The following SMAD1 variants were observed in gnomAD, a reference collection of about 807,000 sequenced individuals.
The protein encoded by SMAD1 is MAD, mothers against decapentaplegic homolog 1.
A neutral mutation model predicts 41.6 loss-of-function variants in SMAD1; 6 were observed. The observed-to-expected ratio is 0.14, with a 90% CI of 0.08 to 0.28. The LOEUF is 0.28. Among genes scored for constraint, SMAD1 ranks in the 10% least tolerant of loss-of-function variants. The pLI, the probability that SMAD1 is intolerant of heterozygous loss-of-function variation, is 1.00. For synonymous variants in SMAD1, 206 were observed against 203.2 expected, an observed-to-expected ratio of 1.01 and a Z score of -0.12; for missense variants, 379 against 582.6, an observed-to-expected ratio of 0.65 and a Z score of 3.60.
At chr4:145,528,061 A>ACC (rs1560748803) in intron 2 of SMAD1, among the ~76,000 whole-genome samples, 1 of 59,074 alleles carries the variant, frequency 1.7e-5, no homozygotes, top group Non-Finnish European at 2.9e-5. Context: ...TTTTGTTTGT[A>ACC]CACACACACA....
intron 1 of SMAD1, among the ~76,000 whole-genome samples, chr4:145,490,467 G>C (rs1245213767): frequency 6.6e-6 from 1 of 152,130 alleles, no homozygotes; most frequent in African/African-American, 2.4e-5. Context: ...CTAAACAATT[G>C]GGGGGAAACC....
chr4:145,526,570 A>G (rs1458522817), intron 2 of SMAD1, among the ~76,000 whole-genome samples: 1 of 151,368 alleles, frequency 6.6e-6, no homozygotes, highest in Non-Finnish European at 1.5e-5. Flanking sequence ...ACAAGGACCC[A>G]GAGGCCAGCT....
intron 6 of SMAD1, among the ~76,000 whole-genome samples, chr4:145,556,803 G>A (rs374332106): frequency 2.4e-4 from 37 of 152,166 alleles, no homozygotes; most frequent in African/African-American, 8.9e-4. Flanking sequence ...TGATTCTCAT[G>A]CCTGAGCCTC....
At chr4:145,525,557 C>G (rs1730978762) in intron 2 of SMAD1, among the ~76,000 whole-genome samples, 5 of 150,902 alleles carry the variant, frequency 3.3e-5, no homozygotes, top group African/African-American at 1.2e-4. Context: ...TTGTTTGATA[C>G]TGGTGCTGAA....
At chr4:145,528,368 G>T (rs1196246655) in intron 2 of SMAD1, among the ~76,000 whole-genome samples, 1 of 152,132 alleles carries the variant, frequency 6.6e-6, no homozygotes. Context: ...CTCCCAAAGT[G>T]CTGGGATTAC....
chr4:145,493,120 T>A (rs1381781351), intron 1 of SMAD1, among the ~76,000 whole-genome samples: 1 of 152,152 alleles, frequency 6.6e-6, no homozygotes, highest in East Asian at 1.9e-4. Context: ...CCCCTACCCA[T>A]CCTTAAGTCC....
chr4:145,554,359 T>G (rs899437272), intron 6 of SMAD1, among the ~76,000 whole-genome samples: 19 of 152,178 alleles, frequency 1.2e-4, no homozygotes, highest in African/African-American at 4.1e-4. Context: ...TTTAAATACA[T>G]GGTTGTTTTA....
intron 2 of SMAD1, among the ~76,000 whole-genome samples, chr4:145,527,548 A>G (rs1578794193): frequency 6.6e-6 from 1 of 152,044 alleles, no homozygotes; most frequent in Non-Finnish European, 1.5e-5. Flanking sequence ...TCTAACAACG[A>G]CTGCCGGAAG....
intron 2 of SMAD1, 48 bp from the exon 3 acceptor site, chr4:145,539,756 T>G: frequency 6.4e-7 from 1 of 1,563,342 alleles, no homozygotes; most frequent in South Asian, 1.1e-5. Flanking sequence ...TAATTATAGA[T>G]CATAATTCTC....
At chr4:145,522,926 C>T (rs1435331731) in intron 2 of SMAD1, among the ~76,000 whole-genome samples, 1 of 152,144 alleles carries the variant, frequency 6.6e-6, no homozygotes, top group Non-Finnish European at 1.5e-5. Flanking sequence ...ATCTGCCCGC[C>T]TCAGCCTCCC....
intron 1 of SMAD1, among the ~76,000 whole-genome samples, chr4:145,493,948 C>T (rs1317857934): frequency 2.6e-5 from 4 of 152,108 alleles, no homozygotes; most frequent in Admixed American, 2.6e-4. Context: ...CCACTTCTAC[C>T]TTACTTTATT....
chr4:145,542,336 T>C (rs1310383563), intron 3 of SMAD1, among the ~76,000 whole-genome samples: 1 of 152,282 alleles, frequency 6.6e-6, no homozygotes, highest in African/African-American at 2.4e-5. Context: ...AAACAGCTTC[T>C]GGAACTGGCA....
intron 2 of SMAD1, among the ~76,000 whole-genome samples, chr4:145,538,384 A>G (rs1247047403): frequency 6.6e-6 from 1 of 152,224 alleles, no homozygotes; most frequent in African/African-American, 2.4e-5. Context: ...CATTTATTAT[A>G]TACTCAAAAG....
intron 2 of SMAD1, among the ~76,000 whole-genome samples, chr4:145,520,908 A>G (rs1294202119): frequency 1.3e-5 from 2 of 152,236 alleles, no homozygotes; most frequent in Non-Finnish European, 2.9e-5. Context: ...ACTTTGCTAC[A>G]ACTTGTGTTT....
At position 145,522,918 on chromosome 4, in the gene SMAD1, C is replaced by A. The variant is rs558126222; in HGVS notation, c.400+7905C>A. ...GGTCTCGAACTCCTGACCTTGTGAT[C>A]TGCCCGCCTCAGCCTCCCAAAGTGC... is the stretch of plus-strand genomic sequence containing the variant. On this transcript the variant is annotated intron_variant, in intron 2 of 6. Transcript: ENST00000302085. Among the ~76,000 whole-genome samples the A allele has an allele frequency of 4.6e-4, 70 of 152,190 alleles. 1 individual carries two copies. The South Asian group carries it at 0.014, about 30-fold the overall frequency.
At chr4:145,538,789 A>G (rs1731759783) in intron 2 of SMAD1, among the ~76,000 whole-genome samples, 1 of 152,152 alleles carries the variant, frequency 6.6e-6, no homozygotes, top group African/African-American at 2.4e-5. Context: ...AGCTGGAGGG[A>G]TTGCAAAGAC....
chr4:145,558,941 T>C lies in SMAD1; in HGVS notation c.*1007T>C, dbSNP rs180885093. Among the ~76,000 whole-genome samples, 4 of 152,314 alleles carry C rather than the reference T, an allele frequency of 2.6e-5. No individual in the cohort carries two copies. In the East Asian group the frequency reaches 7.7e-4, roughly 29 times the overall value. ...TAGGCTTTAATTTTCAAGTGAATTT[T>C]TTGCCAAACTTAGTAACTCTGTTAA... On this transcript the variant is annotated 3_prime_UTR_variant, in exon 7 of 7. Transcript: ENST00000302085.
At chr4:145,543,617 A>T (rs1732073911) in intron 4 of SMAD1, among the ~76,000 whole-genome samples, 1 of 152,170 alleles carries the variant, frequency 6.6e-6, no homozygotes, top group Non-Finnish European at 1.5e-5. Flanking sequence ...CTTTGATTCC[A>T]GCGCTGTATA....
chr4:145,526,365 A>G (rs1731018629), intron 2 of SMAD1, among the ~76,000 whole-genome samples: 1 of 152,226 alleles, frequency 6.6e-6, no homozygotes, highest in Non-Finnish European at 1.5e-5. Flanking sequence ...TGTGTGTGAC[A>G]ATACCTTTCT....
Sources: gnomAD v4.1 joint callset for allele counts (sites outside exome capture counted in the v4.1 genomes callset) on GRCh38, gnomAD v4.1.1 for gene constraint, MANE v1.5 for transcripts, NCBI Gene and HGNC (gene_info 2026-07-23, HGNC 2026-07-21) for gene names.